The following ANKFN1 variants were observed in gnomAD, a reference collection of about 807,000 sequenced individuals.
ANKFN1 encodes the protein ankyrin repeat and fibronectin type III domain containing 1.
In ANKFN1, 74 loss-of-function variants were observed where a neutral mutation model predicts 108.7. The ratio of observed to expected loss-of-function variants is 0.68; its 90% CI spans 0.56 to 0.83. The LOEUF is 0.83. ANKFN1 is among the 40% of genes least tolerant of loss of function. The pLI is 0.00. For synonymous variants in ANKFN1, 547 were observed against 516.2 expected (o/e 1.06, Z -0.81); for missense variants, 1,505 against 1,382.3 (o/e 1.09, Z -1.41).
intron 3 of ANKFN1, among the ~76,000 whole-genome samples, chr17:56,244,306 G>A (rs1917804164): frequency 6.6e-6 from 1 of 152,068 alleles, no homozygotes; most frequent in Non-Finnish European, 1.5e-5. Context: ...AGTGGAAAAG[G>A]TAAAGTGAAG....
At chr17:56,170,803 TATATACAC>T (rs1289788685) in intron 1 of ANKFN1, among the ~76,000 whole-genome samples, 1 of 68,060 alleles carries the variant, frequency 1.5e-5, no homozygotes. Flanking sequence ...TATATATATA[TATATACAC>T]ACACACACAC....
intron 4 of ANKFN1, among the ~76,000 whole-genome samples, chr17:56,069,018 C>A (rs950875490): frequency 6.6e-6 from 1 of 152,142 alleles, no homozygotes. Context: ...TAAAATGATT[C>A]AAATGAAAGA....
At chr17:56,288,916 A>G (rs1324685607) in intron 3 of ANKFN1, among the ~76,000 whole-genome samples, 1 of 152,188 alleles carries the variant, frequency 6.6e-6, no homozygotes, top group Non-Finnish European at 1.5e-5. Context: ...CCATGAATTT[A>G]ATTATCATCC....
chr17:56,468,091 C>G (rs1181893519), intron 15 of ANKFN1, among the ~76,000 whole-genome samples: 1 of 152,156 alleles, frequency 6.6e-6, no homozygotes, highest in Admixed American at 6.5e-5. Context: ...GATTTTGTCC[C>G]TTGGCACACA....
At chr17:56,243,331 C>A (rs916445453) in intron 3 of ANKFN1, among the ~76,000 whole-genome samples, 1 of 152,086 alleles carries the variant, frequency 6.6e-6, no homozygotes, top group Non-Finnish European at 1.5e-5. Flanking sequence ...TCCAACAATA[C>A]CTTTAATAGG....
intron 4 of ANKFN1, among the ~76,000 whole-genome samples, chr17:56,081,646 C>T (rs1409894881): frequency 1.3e-5 from 2 of 152,194 alleles, no homozygotes; most frequent in African/African-American, 4.8e-5. Context: ...AGCCACTGCA[C>T]CTGGCCTGAC....
intron 3 of ANKFN1, among the ~76,000 whole-genome samples, chr17:56,311,845 G>GA (rs1268917194): frequency 6.6e-6 from 1 of 152,102 alleles, no homozygotes; most frequent in African/African-American, 2.4e-5. Context: ...TAAACTCCAA[G>GA]AAAAAATCCA....
intron 11 of ANKFN1, among the ~76,000 whole-genome samples, chr17:56,449,957 A>C (rs7222135): frequency 0.018 from 2,688 of 152,264 alleles, 54 homozygotes; most frequent in East Asian, 0.092. Context: ...CTTCTTTTCT[A>C]CTTGGGCTGT....
intron 6 of ANKFN1, among the ~76,000 whole-genome samples, chr17:56,357,291 C>T (rs141783540): frequency 6.6e-6 from 1 of 152,362 alleles, no homozygotes; most frequent in Non-Finnish European, 1.5e-5. Context: ...GGTTTTCACA[C>T]TAACCCTACA....
chr17:56,158,671 G>A (rs1487010689), intron 1 of ANKFN1, among the ~76,000 whole-genome samples: 3 of 152,092 alleles, frequency 2.0e-5, no homozygotes, highest in South Asian at 4.1e-4. Context: ...GGGGAGGGAG[G>A]GGATGTTATA....
At chr17:56,394,364 C>G (rs1475743760) in intron 8 of ANKFN1, among the ~76,000 whole-genome samples, 3 of 152,192 alleles carry the variant, frequency 2.0e-5, no homozygotes, top group African/African-American at 7.2e-5. Context: ...TTATTCCTCC[C>G]TCTTCCCTGT....
chr17:56,208,222 C>A (rs556024740), intron 1 of ANKFN1, among the ~76,000 whole-genome samples: 152 of 152,208 alleles, frequency 1.0e-3, no homozygotes, highest in African/African-American at 3.5e-3. Context: ...TGTTACCTGA[C>A]CAACACCAGG....
At chr17:56,102,526 A>G (rs1905666689) in intron 4 of ANKFN1, among the ~76,000 whole-genome samples, 1 of 152,234 alleles carries the variant, frequency 6.6e-6, no homozygotes, top group African/African-American at 2.4e-5. Flanking sequence ...AATAGGGAAC[A>G]TCTCATTCCC....
chr17:56,338,644 C>T (rs11655026), intron 4 of ANKFN1, among the ~76,000 whole-genome samples: 75,196 of 151,304 alleles, frequency 0.5, 19,053 homozygotes, highest in Middle Eastern at 0.57. Context: ...CTTGAGGTTT[C>T]TTTTTTTCAG....
At chr17:56,485,918 G>A (rs1436901366) in intron 18 of ANKFN1, among the ~76,000 whole-genome samples, 1 of 152,154 alleles carries the variant, frequency 6.6e-6, no homozygotes, top group East Asian at 1.9e-4. Context: ...TACATTTCTA[G>A]TAAGTTCTCA....
At chr17:56,184,179 G>T (rs1024993351) in intron 1 of ANKFN1, among the ~76,000 whole-genome samples, 1 of 152,134 alleles carries the variant, frequency 6.6e-6, no homozygotes, top group African/African-American at 2.4e-5. Context: ...TTTGTAGAAA[G>T]AAATATTTTG....
chr17:56,511,745 T>C lies in ANKFN1; in HGVS notation c.*476T>C, dbSNP rs1310827927. On this transcript the variant is annotated 3_prime_UTR_variant, in exon 21 of 21. Coordinates refer to ENST00000682825, the MANE Select transcript of ANKFN1 (RefSeq NM_001370326.1). ...AAGAGTTTGAGGGAAAGACACCAGG[T>C]TGTGTCTCTAGGGCACGGGGTCAGG... 6.5e-6 allele frequency: 1 copy of C among 154,738 alleles called. No homozygotes were observed. Among genetic ancestry groups the C allele is most frequent in the East Asian group, 1.9e-4 (1 of 5,236 alleles). The allele number at this position is 154,738 out of a possible 1,614,324, so 9.6% of individuals were successfully genotyped here. A position where few individuals can be genotyped will look rare whatever the true frequency, so the allele number is the denominator to read the frequency against.
chr17:56,444,741 A>G (rs915408886), intron 10 of ANKFN1, among the ~76,000 whole-genome samples: 1 of 152,228 alleles, frequency 6.6e-6, no homozygotes, highest in Non-Finnish European at 1.5e-5. Flanking sequence ...ACATAGAGGC[A>G]CATATATACA....
chr17:56,258,681 C>T (rs568869941), intron 3 of ANKFN1, among the ~76,000 whole-genome samples: 110 of 152,174 alleles, frequency 7.2e-4, no homozygotes, highest in African/African-American at 2.3e-3. Context: ...GAGGCCGAGG[C>T]GGGCGGATCA....
Sources: allele counts gnomAD v4.1 joint callset (sites outside exome capture counted in the v4.1 genomes callset), GRCh38; gene constraint gnomAD v4.1.1; transcripts MANE v1.5; gene names NCBI Gene and HGNC (gene_info 2026-07-23, HGNC 2026-07-21).